C3orf70: variants seen among roughly 807,000 people sequenced by gnomAD.
C3orf70 encodes chromosome 3 open reading frame 70.
A neutral mutation model predicts 20.7 loss-of-function variants in C3orf70; 15 were observed. The observed-to-expected ratio is 0.72, with a 90% CI of 0.48 to 1.11. The LOEUF (loss-of-function observed/expected upper bound fraction) is 1.11, where lower values mean the gene tolerates loss of function less well. Ranked by LOEUF, C3orf70 falls within the 50% of genes most tolerant of loss-of-function variation. The pLI, the probability that C3orf70 is intolerant of heterozygous loss-of-function variation, is 0.00. For missense variants in C3orf70, 332 were observed against 317.6 expected, an observed-to-expected ratio of 1.05 and a Z score of -0.34; for synonymous variants, 161 against 125.7, an observed-to-expected ratio of 1.28 and a Z score of -1.88.
chr3:185,104,477 A>G lies in C3orf70; in HGVS notation c.197-20914T>C, dbSNP rs184568734. On this transcript the variant is annotated intron_variant, in intron 1 of 1. Coordinates refer to ENST00000335012, the MANE Select transcript of C3orf70 (RefSeq NM_001025266.3). The stretch of plus-strand genomic sequence containing the variant: ...GACCCAGCAATCCCATTACTAGGTA[A>G]ATACCCAAAGGAATATAAAATCATT... Among the ~76,000 whole-genome samples, 15 of 152,304 alleles carry G rather than the reference A, an allele frequency of 9.8e-5. No homozygotes were observed. The East Asian group carries it at 2.9e-3, about 29-fold the overall frequency.
chr3:185,083,934 C>T (rs534061440), intron 1 of C3orf70, among the ~76,000 whole-genome samples: 15 of 152,290 alleles, frequency 9.8e-5, no homozygotes, highest in African/African-American at 2.6e-4. Context: ...TACAGCCGGG[C>T]GCAGTGGTTC....
chr3:185,128,161 A>G, intron 1 of C3orf70, among the ~76,000 whole-genome samples: 1 of 152,212 alleles, frequency 6.6e-6, no homozygotes, highest in East Asian at 1.9e-4. Flanking sequence ...GCTACAGCAT[A>G]GATTCTTTAA....
At chr3:185,127,588 T>C (rs571918574) in intron 1 of C3orf70, among the ~76,000 whole-genome samples, 60 of 152,194 alleles carry the variant, frequency 3.9e-4, no homozygotes, top group Middle Eastern at 3.4e-3. Flanking sequence ...TACAGGCACA[T>C]GCCACCACGC....
chr3:185,114,425 T>C (rs1380763160), intron 1 of C3orf70, among the ~76,000 whole-genome samples: 1 of 152,030 alleles, frequency 6.6e-6, no homozygotes, highest in Non-Finnish European at 1.5e-5. Flanking sequence ...GTTTTTAGAG[T>C]CCACATCTTC....
At chr3:185,112,068 A>G (rs1388447787) in intron 1 of C3orf70, among the ~76,000 whole-genome samples, 6 of 152,164 alleles carry the variant, frequency 3.9e-5, no homozygotes, top group Non-Finnish European at 8.8e-5. Context: ...AGGCAGGTGG[A>G]TCACCGGAGG....
At chr3:185,145,369 T>C (rs1257915295) in intron 1 of C3orf70, among the ~76,000 whole-genome samples, 2 of 152,212 alleles carry the variant, frequency 1.3e-5, no homozygotes, top group Non-Finnish European at 2.9e-5. Flanking sequence ...CAGTCAGAGA[T>C]TAGCTGAGGA....
chr3:185,091,786 G>C (rs1273390508), intron 1 of C3orf70, among the ~76,000 whole-genome samples: 1 of 148,390 alleles, frequency 6.7e-6, no homozygotes, highest in Admixed American at 6.8e-5. Flanking sequence ...CCAGGTTCAA[G>C]CAATTCTCCT....
At chr3:185,093,815 G>A (rs915295522) in intron 1 of C3orf70, among the ~76,000 whole-genome samples, 8 of 152,116 alleles carry the variant, frequency 5.3e-5, no homozygotes, top group East Asian at 1.9e-4. Context: ...GGATGGTGAG[G>A]TGACTGGCCT....
At chr3:185,099,593 G>A (rs568678059) in intron 1 of C3orf70, among the ~76,000 whole-genome samples, 24 of 151,998 alleles carry the variant, frequency 1.6e-4, no homozygotes, top group African/African-American at 5.5e-4. Flanking sequence ...AAAGACCATT[G>A]CCAGCCACTA....
At chr3:185,140,647 G>T (rs752576669) in intron 1 of C3orf70, among the ~76,000 whole-genome samples, 6 of 151,806 alleles carry the variant, frequency 4.0e-5, no homozygotes, top group Non-Finnish European at 7.4e-5. Flanking sequence ...TGGGATTAGG[G>T]CCCTTATAAA....
intron 1 of C3orf70, among the ~76,000 whole-genome samples, chr3:185,150,642 T>A (rs1716973184): frequency 6.6e-6 from 1 of 152,238 alleles, no homozygotes; most frequent in Admixed American, 6.5e-5. Flanking sequence ...GCTAATGTGA[T>A]GCTAGCTGCA....
chr3:185,152,678 T>C lies in C3orf70; in HGVS notation c.146A>G (p.His49Arg), dbSNP rs1044381603. The C allele has an allele frequency of 6.3e-7, 1 of 1,592,950 alleles. No individual in the cohort carries two copies. Among genetic ancestry groups the C allele is most frequent in the Non-Finnish European group, 8.5e-7 (1 of 1,169,978 alleles). Residue 49 changes from histidine to arginine, a missense_variant, in exon 1 of 2, where the codon CAT (histidine) becomes CGT (arginine). Physicochemically the swap from His to Arg is conservative, Grantham distance 29. Transcript: ENST00000335012. ...DGLSICATHS[H>R]GKCFKLHWCC... is the part of the protein sequence containing the mutation. The stretch of plus-strand genomic sequence containing the variant: ...CCAGTGCAGCTTGAAGCACTTGCCA[T>C]GGCTGTGCGTGGCACAGATAGACAG...
At chr3:185,115,806 T>C (rs542824119) in intron 1 of C3orf70, among the ~76,000 whole-genome samples, 25 of 152,330 alleles carry the variant, frequency 1.6e-4, no homozygotes, top group Non-Finnish European at 3.4e-4. Context: ...TGCAGATCAT[T>C]GACTTCTCAT....
intron 1 of C3orf70, among the ~76,000 whole-genome samples, chr3:185,121,192 G>A (rs924953452): frequency 3.3e-5 from 5 of 152,040 alleles, no homozygotes; most frequent in Non-Finnish European, 5.9e-5. Flanking sequence ...GATGCAAAGG[G>A]GTAAGAATGA....
intron 1 of C3orf70, among the ~76,000 whole-genome samples, chr3:185,151,466 A>G (rs528776201): frequency 6.6e-6 from 1 of 152,364 alleles, no homozygotes; most frequent in Admixed American, 6.5e-5. Context: ...ATCTGAGCAC[A>G]ACAGGAATAA....
At chr3:185,147,070 C>T (rs1156307034) in intron 1 of C3orf70, among the ~76,000 whole-genome samples, 1 of 152,220 alleles carries the variant, frequency 6.6e-6, no homozygotes, top group Non-Finnish European at 1.5e-5. Context: ...TTCTGGTTCT[C>T]CAACTCCCAT....
At chr3:185,089,679 ACTTAT>A (rs1324306891) in intron 1 of C3orf70, among the ~76,000 whole-genome samples, 2 of 152,198 alleles carry the variant, frequency 1.3e-5, no homozygotes, top group African/African-American at 2.4e-5. Context: ...AAACTCATTA[ACTTAT>A]CTTTAATCTT....
At chr3:185,088,614 G>A (rs1715505245) in intron 1 of C3orf70, among the ~76,000 whole-genome samples, 1 of 152,012 alleles carries the variant, frequency 6.6e-6, no homozygotes, top group South Asian at 2.1e-4. Context: ...TATTGTATTA[G>A]GAGGTACATG....
At chr3:185,106,759 C>A (rs532067968) in intron 1 of C3orf70, among the ~76,000 whole-genome samples, 2 of 152,190 alleles carry the variant, frequency 1.3e-5, no homozygotes, top group Non-Finnish European at 2.9e-5. Context: ...GGGAACCCCC[C>A]GCAAAAAGTT....
Sources: gnomAD v4.1 joint callset for allele counts (sites outside exome capture counted in the v4.1 genomes callset) on GRCh38, gnomAD v4.1.1 for gene constraint, MANE v1.5 for transcripts, NCBI Gene and HGNC (gene_info 2026-07-23, HGNC 2026-07-21) for gene names.